ROCK2: variants seen among roughly 807,000 people sequenced by gnomAD.
The protein encoded by ROCK2 is Rho associated coiled-coil containing protein kinase 2.
In ROCK2, 61 loss-of-function variants were observed where a neutral mutation model predicts 195.1. The ratio of observed to expected loss-of-function variants is 0.31; its 90% CI spans 0.25 to 0.39. The LOEUF (loss-of-function observed/expected upper bound fraction) is 0.39. Ranked by LOEUF, ROCK2 falls within the 10% of genes least tolerant of loss-of-function variation. The pLI is 1.00. For synonymous variants in ROCK2, 504 were observed against 545.5 expected (o/e 0.92, Z 1.06); for missense variants, 1,109 against 1,637.4 (o/e 0.68, Z 5.57).
At chr2:11,198,887 T>C (rs540640355) in intron 23 of ROCK2, 113 bp from the exon 24 acceptor site, 1 of 666,388 alleles carries the variant, frequency 1.5e-6, no homozygotes, top group Non-Finnish European at 2.4e-6. Flanking sequence ...ATTTTTCTTT[T>C]TTTTTTTTTT....
At position 11,313,191 on chromosome 2, in the gene ROCK2, C is replaced by T. The variant is rs1392001083; in HGVS notation, c.142-25455G>A. Reference sequence around the variant, plus strand: ...GTAACAAGTGTACCACACTAAGGTACGATGTTAATAACAGAAACGGAAGGG... The same window carrying T: ...GTAACAAGTGTACCACACTAAGGTATGATGTTAATAACAGAAACGGAAGGG... On this transcript the variant is annotated intron_variant, in intron 1 of 32. Transcript: ENST00000315872. 4.6e-5 allele frequency among the ~76,000 whole-genome samples: 7 copies of T among 151,988 alleles called. No homozygotes were observed. The East Asian group carries it at 5.8e-4, about 13-fold the overall frequency.
At chr2:11,218,430 A>C in intron 11 of ROCK2, 25 bp downstream of exon 11, 2 of 1,548,926 alleles carry the variant, frequency 1.3e-6, no homozygotes, top group Non-Finnish European at 1.7e-6. Context: ...TCAGTTTTTC[A>C]ATATATCTGA....
chr2:11,263,553 T>C (rs1306337578), intron 3 of ROCK2, among the ~76,000 whole-genome samples: 1 of 150,038 alleles, frequency 6.7e-6, no homozygotes, highest in Non-Finnish European at 1.5e-5. Flanking sequence ...CTGATGTAAA[T>C]GCCAAAAGTA....
chr2:11,325,786 G>A (rs2148255349), intron 1 of ROCK2, among the ~76,000 whole-genome samples: 1 of 152,262 alleles, frequency 6.6e-6, no homozygotes, highest in Admixed American at 6.5e-5. Flanking sequence ...AAAGCTGGGG[G>A]AAAGAACACC....
intron 3 of ROCK2, among the ~76,000 whole-genome samples, chr2:11,265,591 GT>G (rs1048046614): frequency 6.6e-6 from 1 of 152,104 alleles, no homozygotes; most frequent in African/African-American, 2.4e-5. Context: ...AAAAAGGGTG[GT>G]TACCTTTATG....
At chr2:11,237,382 A>G (rs140003977) in intron 4 of ROCK2, among the ~76,000 whole-genome samples, 54 of 152,376 alleles carry the variant, frequency 3.5e-4, no homozygotes, top group Non-Finnish European at 6.9e-4. Flanking sequence ...GAAAAGCACC[A>G]ACGTCTACCT....
chr2:11,221,472 G>T, intron 8 of ROCK2, 115 bp from the exon 9 acceptor site: 2 of 691,820 alleles, frequency 2.9e-6, no homozygotes, highest in East Asian at 3.5e-5. Context: ...TTGTAGCAGC[G>T]CATTTGCCAT....
In ROCK2 at chr2:11,197,390, TAACTC is replaced by T. The variant is rs1201393531; in HGVS notation, c.3280-47_3280-43del. The T allele has an allele frequency of 5.7e-6, 9 of 1,579,746 alleles. No homozygotes were observed. The highest frequency in any genetic ancestry group is 1.7e-4 in the Middle Eastern group (1 of 5,940). On this transcript the variant is annotated intron_variant, in intron 26 of 32. Transcript: ENST00000315872. The surrounding 1 kb of genome is among the most constrained non-coding windows in gnomAD (Gnocchi z 4.9). ...TACAATAAGTTAATTGGATGCAACATAACTCAACATTTTGCTTCTTGGTTCAATAA... is the reference window on the plus strand; with the variant it reads ...TACAATAAGTTAATTGGATGCAACATAACATTTTGCTTCTTGGTTCAATAA...
chr2:11,179,981 G>A lies in ROCK2; in HGVS notation c.*3456C>T, dbSNP rs1010801136. 2.0e-5 allele frequency: 3 copies of A among 151,436 alleles called. No homozygotes were observed. Among genetic ancestry groups the A allele is most frequent in the Middle Eastern group, 3.4e-3 (1 of 294 alleles). 9.4% of individuals were successfully genotyped at this position (151,436 alleles called of 1,614,324 possible). ...AAAACTCATTATTATGGGGATGGGA[G>A]TCAGGGAGAGGCCCCCCCCCAAGCA... On this transcript the variant is annotated 3_prime_UTR_variant, in exon 33 of 33. Coordinates refer to ENST00000315872, the MANE Select transcript of ROCK2 (RefSeq NM_004850.5).
Position 11,272,869 on chromosome 2 carries a change from C to CAA in ROCK2, c.324+13668_324+13669dup, listed in dbSNP as rs34327134. The stretch of plus-strand genomic sequence containing the variant: ...TGGGCGACAGAGCAAGACTCTGTCT[C>CAA]AAAAAAAAAAAAAAAAAAGAGCAAG... On this transcript the variant is annotated intron_variant, in intron 3 of 32. Coordinates refer to ENST00000315872, the MANE Select transcript of ROCK2 (RefSeq NM_004850.5). Among the ~76,000 whole-genome samples the CAA allele has an allele frequency of 3.7e-3, 362 of 99,122 alleles. 3 individuals carry two copies. Among genetic ancestry groups the CAA allele is most frequent in the Middle Eastern group, 0.015 (3 of 206 alleles). 65.0% of individuals were successfully genotyped at this position (99,122 alleles called of 152,430 possible).
intron 6 of ROCK2, among the ~76,000 whole-genome samples, chr2:11,225,091 C>T (rs1664767050): frequency 1.3e-5 from 2 of 152,202 alleles, no homozygotes; most frequent in East Asian, 3.9e-4. Context: ...GGAAGTCAGG[C>T]CCAGAGAGAC....
chr2:11,216,185 T>C lies in ROCK2; in HGVS notation c.1434A>G (p.Glu478=). The C allele has an allele frequency of 1.2e-6, 2 of 1,612,656 alleles. No individual in the cohort carries two copies. The highest frequency in any genetic ancestry group is 2.2e-5 in the South Asian group (2 of 91,012). Residue 478 remains glutamate (E), a synonymous_variant, in exon 13 of 33, where the codon GAA becomes GAG. Transcript: ENST00000315872. ...QKCKSVNTRL[E]KTAKELEEEI... ...CCTCTTCTAGCTCCTTTGCTGTTTT[T>C]TCTAGGCGAGTATTAACAGATCTAA... is the stretch of plus-strand genomic sequence containing the variant.
intron 4 of ROCK2, among the ~76,000 whole-genome samples, chr2:11,246,586 A>G (rs1665623156): frequency 1.3e-5 from 2 of 152,208 alleles, no homozygotes; most frequent in South Asian, 2.1e-4. Context: ...AAATATGTCA[A>G]TATTTATCTA....
intron 27 of ROCK2, among the ~76,000 whole-genome samples, chr2:11,196,664 T>C (rs1342885008): frequency 6.6e-6 from 1 of 152,258 alleles, no homozygotes; most frequent in Non-Finnish European, 1.5e-5. Flanking sequence ...ACTCCAAAGA[T>C]GAGAAGATTT....
At chr2:11,335,108 TACACACACAC>T (rs59721285) in intron 1 of ROCK2, among the ~76,000 whole-genome samples, 161 of 145,100 alleles carry the variant, frequency 1.1e-3, no homozygotes, top group Middle Eastern at 6.9e-3. Context: ...CTTTGACTGA[TACACACACAC>T]ACACACACAC....
At chr2:11,289,870 T>G (rs1196977135) in intron 1 of ROCK2, among the ~76,000 whole-genome samples, 1 of 152,196 alleles carries the variant, frequency 6.6e-6, no homozygotes, top group East Asian at 1.9e-4. Context: ...TTTTTCAGCA[T>G]TTGGAACATC....
chr2:11,270,375 C>T (rs1666584199), intron 3 of ROCK2, among the ~76,000 whole-genome samples: 1 of 151,996 alleles, frequency 6.6e-6, no homozygotes, highest in South Asian at 2.1e-4. Flanking sequence ...GTTCTTTGGG[C>T]TTTCTGGATC....
chr2:11,197,261 G>C lies in ROCK2; in HGVS notation c.3367C>G (p.Leu1123Val). ...DSDIEQLRSQ[L>V]QALHIGLDSS... ...TCCAGACCAATATGCAAGGCTTGGA[G>C]TTGTGACCGCAGCTGCTCAATGTCA... is the stretch of plus-strand genomic sequence containing the variant. The change falls in exon 27 of 33, where the codon CTC (leucine) becomes GTC (valine). Residue 1123 changes from leucine to valine, a missense_variant. Leu to Val is a conservative substitution (Grantham distance 32, BLOSUM62 1). Around this residue, in one of 6 missense-constraint regions of ROCK2, gnomAD observed 221 missense variants for 355.1 expected, o/e 0.62. Transcript: ENST00000315872. The surrounding 1 kb of genome is among the most constrained non-coding windows in gnomAD (Gnocchi z 4.9). The C allele has an allele frequency of 6.2e-7, 1 of 1,614,052 alleles. No homozygotes were observed. The highest frequency in any genetic ancestry group is 8.5e-7 in the Non-Finnish European group (1 of 1,179,912).
chr2:11,218,931 C>T, intron 10 of ROCK2, 35 bp downstream of exon 10: 1 of 1,221,324 alleles, frequency 8.2e-7, no homozygotes, highest in South Asian at 1.5e-5. Flanking sequence ...AAACATGAAA[C>T]TAAAATAACT....
Sources: gnomAD v4.1 joint callset for allele counts (sites outside exome capture counted in the v4.1 genomes callset) on GRCh38, gnomAD v4.1.1 for gene constraint, gnomAD v4.1.1 regional missense constraint, Gnocchi (gnomAD v3.1) non-coding constraint, MANE v1.5 for transcripts, NCBI Gene and HGNC (gene_info 2026-07-23, HGNC 2026-07-21) for gene names.